The following OLA1 variants were observed in gnomAD, a reference collection of about 807,000 sequenced individuals.
OLA1 encodes Obg like ATPase 1, also known as obg-like ATPase 1.
Under a neutral mutation model 48.4 loss-of-function variants are expected in OLA1, and 14 were observed. The observed-to-expected ratio is 0.29, with a 90% CI of 0.19 to 0.45. OLA1 has a LOEUF of 0.45. Among genes scored for constraint, OLA1 ranks in the 20% least tolerant of loss-of-function variants. OLA1 has a pLI of 1.00. For missense variants in OLA1, 325 were observed against 467.1 expected, an observed-to-expected ratio of 0.70 and a Z score of 2.80; for synonymous variants, 127 against 150.4, an observed-to-expected ratio of 0.84 and a Z score of 1.14.
chr2:174,110,030 C>A (rs1324672615), intron 7 of OLA1, among the ~76,000 whole-genome samples: 1 of 151,704 alleles, frequency 6.6e-6, no homozygotes, highest in East Asian at 1.9e-4. Context: ...TCATTTAGCT[C>A]CCGCTTATAA....
intron 4 of OLA1, among the ~76,000 whole-genome samples, chr2:174,184,758 C>G (rs1005070615): frequency 1.3e-5 from 2 of 152,126 alleles, no homozygotes; most frequent in African/African-American, 4.8e-5. Context: ...TTCTGTAAAT[C>G]TGACACTGTT....
chr2:174,123,199 T>C lies in OLA1; in HGVS notation c.709A>G (p.Ile237Val). ...YLVNLSEKDY[I>V]RKKNKWLIKI... ...ACTTACCATTTGTTTTTCTTTCTAA[T>C]GTAGTCTTTTTCAGAAAGATTAACC... Residue 237 changes from isoleucine to valine, a missense_variant, in exon 7 of 11, where the codon ATT (isoleucine) becomes GTT (valine). By Grantham distance (29) the Ile-to-Val change is conservative. Transcript: ENST00000284719. 6.5e-6 allele frequency: 10 copies of C among 1,546,312 alleles called. No homozygotes were observed. The highest frequency in any genetic ancestry group is 8.9e-6 in the Non-Finnish European group (10 of 1,123,802).
intron 7 of OLA1, among the ~76,000 whole-genome samples, chr2:174,097,697 C>T (rs974270316): frequency 3.3e-5 from 5 of 151,244 alleles, no homozygotes. Flanking sequence ...TGCACTCCAG[C>T]CTGGGCGACA....
At chr2:174,243,867 G>A (rs1689067612) in intron 2 of OLA1, among the ~76,000 whole-genome samples, 1 of 152,166 alleles carries the variant, frequency 6.6e-6, no homozygotes, top group South Asian at 2.1e-4. Context: ...TCTCTAGATG[G>A]TTTTGTACTG....
At chr2:174,243,258 AT>A (rs1689049056) in intron 2 of OLA1, among the ~76,000 whole-genome samples, 1 of 152,148 alleles carries the variant, frequency 6.6e-6, no homozygotes, top group African/African-American at 2.4e-5. Context: ...GTGAAACTCC[AT>A]CTACAAACAA....
At chr2:174,113,881 G>A (rs184234640) in intron 7 of OLA1, among the ~76,000 whole-genome samples, 25 of 152,124 alleles carry the variant, frequency 1.6e-4, no homozygotes, top group Admixed American at 9.2e-4. Flanking sequence ...CTTTCCAACC[G>A]CCTGCCCTAT....
chr2:174,099,011 C>A (rs1261938019), intron 7 of OLA1, among the ~76,000 whole-genome samples: 1 of 151,996 alleles, frequency 6.6e-6, no homozygotes, highest in African/African-American at 2.4e-5. Context: ...GCAAGTTTTG[C>A]TATTCATTAA....
At chr2:174,227,915 C>T (rs1688650229) in intron 3 of OLA1, among the ~76,000 whole-genome samples, 1 of 152,180 alleles carries the variant, frequency 6.6e-6, no homozygotes, top group Non-Finnish European at 1.5e-5. Flanking sequence ...TCAGTATATA[C>T]TTTGTAATTA....
At chr2:174,100,234 T>G (rs1363786346) in intron 7 of OLA1, among the ~76,000 whole-genome samples, 1 of 152,212 alleles carries the variant, frequency 6.6e-6, no homozygotes, top group Non-Finnish European at 1.5e-5. Flanking sequence ...AAGTATTTAT[T>G]AAATATTTAC....
rs564611248 is a variant in OLA1, at chr2:174,183,252, T to C, written c.373+39781A>G. 2.6e-5 allele frequency among the ~76,000 whole-genome samples: 4 copies of C among 152,324 alleles called. No individual in the cohort carries two copies. In the South Asian group the frequency reaches 8.3e-4, roughly 32 times the overall value. On this transcript the variant is annotated intron_variant, in intron 4 of 10. Coordinates refer to ENST00000284719, the MANE Select transcript of OLA1 (RefSeq NM_013341.5). ...ACCAAGACCCGAAGTTAGCAGAAAGTAGGCCACTGGCATCAGAATGAGCTG... is the reference window on the plus strand; with the variant it reads ...ACCAAGACCCGAAGTTAGCAGAAAGCAGGCCACTGGCATCAGAATGAGCTG...
intron 4 of OLA1, among the ~76,000 whole-genome samples, chr2:174,152,715 C>T (rs1411144242): frequency 6.6e-6 from 1 of 152,124 alleles, no homozygotes. Context: ...CTGTTAATTA[C>T]TTGATGCAAA....
At chr2:174,175,605 A>T (rs1277067404) in intron 4 of OLA1, among the ~76,000 whole-genome samples, 2 of 152,060 alleles carry the variant, frequency 1.3e-5, no homozygotes, top group Middle Eastern at 3.2e-3. Context: ...ACTGGAACTC[A>T]TATTGCTGGT....
intron 7 of OLA1, among the ~76,000 whole-genome samples, chr2:174,099,471 T>C (rs961166130): frequency 9.8e-5 from 15 of 152,286 alleles, no homozygotes; most frequent in South Asian, 8.3e-4. Flanking sequence ...TTGTATTTTC[T>C]AAATCAATAC....
At chr2:174,095,339 TTTTTTTTTTTGTTG>T (rs1331498554) in intron 7 of OLA1, among the ~76,000 whole-genome samples, 3 of 125,348 alleles carry the variant, frequency 2.4e-5, no homozygotes, top group Non-Finnish European at 5.4e-5. Context: ...TTTTTTTTTT[TTTTTTTTTTTGTTG>T]TTGTTGTTGT....
At chr2:174,233,492 G>A (rs1688778849) in intron 2 of OLA1, among the ~76,000 whole-genome samples, 2 of 152,156 alleles carry the variant, frequency 1.3e-5, no homozygotes, top group Admixed American at 1.3e-4. Context: ...TCATGCCTCA[G>A]CCTCCAGAGT....
chr2:174,239,714 C>CA (rs35332033), intron 2 of OLA1, among the ~76,000 whole-genome samples: 12,246 of 60,620 alleles, frequency 0.2, 1,123 homozygotes, highest in Non-Finnish European at 0.27. Context: ...CCCATCTCTA[C>CA]AAAAAAAAAA....
At chr2:174,222,292 C>A (rs139083679) in intron 4 of OLA1, among the ~76,000 whole-genome samples, 28 of 152,232 alleles carry the variant, frequency 1.8e-4, no homozygotes, top group African/African-American at 6.7e-4. Flanking sequence ...TAAATGCTTA[C>A]TCTCAGTTAC....
At chr2:174,218,219 A>AT (rs1385140831) in intron 4 of OLA1, among the ~76,000 whole-genome samples, 1 of 152,052 alleles carries the variant, frequency 6.6e-6, no homozygotes, top group East Asian at 1.9e-4. Context: ...AAGAACCAAT[A>AT]TTTTTTTGGA....
chr2:174,247,909 C>G, intron 1 of OLA1: 2 of 1,072,718 alleles, frequency 1.9e-6, no homozygotes, highest in Non-Finnish European at 2.6e-6. Flanking sequence ...TCACAAAGAC[C>G]GCTAAGCTCA....
Sources: gnomAD v4.1 joint callset for allele counts (sites outside exome capture counted in the v4.1 genomes callset) on GRCh38, gnomAD v4.1.1 for gene constraint, MANE v1.5 for transcripts, NCBI Gene and HGNC (gene_info 2026-07-23, HGNC 2026-07-21) for gene names.